SLC1A1: variants seen among roughly 807,000 people sequenced by gnomAD.
The protein encoded by SLC1A1 is excitatory amino acid transporter 3.
In SLC1A1, 43 loss-of-function variants were observed where a neutral mutation model predicts 53.3. The observed-to-expected ratio is 0.81, with a 90% CI of 0.63 to 1.04. SLC1A1 has a LOEUF of 1.04. SLC1A1 is among the 50% of genes least tolerant of loss of function. The pLI is 0.00. For synonymous variants in SLC1A1, 307 were observed against 243.2 expected, an observed-to-expected ratio of 1.26 and a Z score of -2.44; for missense variants, 748 against 664.9, an observed-to-expected ratio of 1.12 and a Z score of -1.37.
chr9:4,500,231 G>C (rs7860087), intron 1 of SLC1A1, among the ~76,000 whole-genome samples: 10,945 of 152,216 alleles, frequency 0.072, 984 homozygotes, highest in African/African-American at 0.21. Context: ...ACTCATTTTA[G>C]ATGACATTGA....
At chr9:4,497,970 AAG>A (rs1227098229) in intron 1 of SLC1A1, among the ~76,000 whole-genome samples, 11 of 152,320 alleles carry the variant, frequency 7.2e-5, no homozygotes, top group African/African-American at 2.4e-4. Flanking sequence ...TTTATTGAAA[AAG>A]AGTTGAAAAC....
intron 3 of SLC1A1, among the ~76,000 whole-genome samples, chr9:4,561,860 A>G (rs558791366): frequency 1.3e-5 from 2 of 152,296 alleles, no homozygotes; most frequent in East Asian, 1.9e-4. Context: ...CTTTGACAAT[A>G]CTACTTTCTG....
At chr9:4,511,596 C>CACACACACACACACACT (rs777710176) in intron 1 of SLC1A1, among the ~76,000 whole-genome samples, 1 of 151,128 alleles carries the variant, frequency 6.6e-6, no homozygotes, top group African/African-American at 2.4e-5. Flanking sequence ...CACACACACA[C>CACACACACACACACACT]ACACTACACT....
intron 10 of SLC1A1, among the ~76,000 whole-genome samples, chr9:4,580,599 A>ATGTGTGTGTGTG (rs770759737): frequency 3.3e-4 from 17 of 51,042 alleles, no homozygotes; most frequent in East Asian, 2.4e-3. Context: ...AAAAAAATAT[A>ATGTGTGTGTGTG]TATGTGTGTG....
At chr9:4,499,484 A>T (rs1207242033) in intron 1 of SLC1A1, among the ~76,000 whole-genome samples, 1 of 152,190 alleles carries the variant, frequency 6.6e-6, no homozygotes, top group Non-Finnish European at 1.5e-5. Context: ...TGGTGTTTTC[A>T]TTTTTGCAAC....
chr9:4,526,737 A>G (rs10120326), intron 1 of SLC1A1, among the ~76,000 whole-genome samples: 3,321 of 152,248 alleles, frequency 0.022, 132 homozygotes, highest in African/African-American at 0.076. Flanking sequence ...AAATAAAGTT[A>G]ATGCCAGTGT....
chr9:4,522,196 C>T (rs1402128374), intron 1 of SLC1A1, among the ~76,000 whole-genome samples: 4 of 151,868 alleles, frequency 2.6e-5, no homozygotes, highest in East Asian at 1.9e-4. Context: ...GGACTACAGG[C>T]GCCCACCACC....
rs565202615 is a variant in SLC1A1 at position 4,503,694 on chromosome 9, A to G, written c.91+12924A>G. Among the ~76,000 whole-genome samples the G allele has an allele frequency of 1.2e-4, 18 of 152,036 alleles. No homozygotes were observed. The South Asian group carries it at 1.7e-3, about 14-fold the overall frequency. On this transcript the variant is annotated intron_variant, in intron 1 of 11. Transcript: ENST00000262352. ...GTATTACATGGAACTATAATTTAAT[A>G]TATGTGTTGCTGTGCTTTCGCACTT...
chr9:4,550,994 T>C (rs1199110599), intron 2 of SLC1A1, among the ~76,000 whole-genome samples: 1 of 152,218 alleles, frequency 6.6e-6, no homozygotes, highest in African/African-American at 2.4e-5. Flanking sequence ...AGCTGACCCC[T>C]GCCCAGCTAG....
chr9:4,534,617 G>T (rs928453005), intron 1 of SLC1A1, among the ~76,000 whole-genome samples: 3 of 151,896 alleles, frequency 2.0e-5, no homozygotes, highest in African/African-American at 7.3e-5. Context: ...ATTCACAGCC[G>T]AATTCTACCA....
chr9:4,538,816 CT>C (rs952759821), intron 1 of SLC1A1, among the ~76,000 whole-genome samples: 4 of 152,162 alleles, frequency 2.6e-5, no homozygotes, highest in Admixed American at 1.3e-4. Context: ...TTATTACAGC[CT>C]AAGGGCAGGA....
At chr9:4,578,240 G>A (rs1481010992) in intron 10 of SLC1A1, among the ~76,000 whole-genome samples, 5 of 152,224 alleles carry the variant, frequency 3.3e-5, no homozygotes, top group South Asian at 2.1e-4. Context: ...TTGGAATCGC[G>A]GCTACATCAT....
At chr9:4,554,467 G>A (rs1186835229) in intron 2 of SLC1A1, 2 of 152,240 alleles carry the variant, frequency 1.3e-5, no homozygotes, top group Non-Finnish European at 2.9e-5. Context: ...GCCAAGCAAG[G>A]AAATCAGGAC....
intron 9 of SLC1A1, 121 bp downstream of exon 9, chr9:4,576,244 G>C: frequency 2.1e-6 from 2 of 954,714 alleles, no homozygotes; most frequent in Non-Finnish European, 3.4e-6. Context: ...AATGACCTCC[G>C]TATTCTCGGC....
intron 1 of SLC1A1, among the ~76,000 whole-genome samples, chr9:4,511,035 A>G (rs572391300): frequency 2.0e-4 from 31 of 152,376 alleles, no homozygotes; most frequent in African/African-American, 7.2e-4. Context: ...TACAACACTC[A>G]TAAGTTAAAT....
rs1444854410 is a variant in SLC1A1, at chr9:4,490,647, G to T, written c.-33G>T. 6.3e-7 allele frequency: 1 copy of T among 1,596,636 alleles called. No homozygotes were observed. The highest frequency in any genetic ancestry group is 8.6e-7 in the Non-Finnish European group (1 of 1,166,228). ...CGGGTCGCCCAGCCCACGCGCGCACGGCCGAGCCCAGCGCACAATAGCGGC... is the reference window on the plus strand; with the variant it reads ...CGGGTCGCCCAGCCCACGCGCGCACTGCCGAGCCCAGCGCACAATAGCGGC... On this transcript the variant is annotated 5_prime_UTR_variant, in exon 1 of 12. Transcript: ENST00000262352.
At chr9:4,580,088 A>T (rs1820913457) in intron 10 of SLC1A1, among the ~76,000 whole-genome samples, 3 of 152,034 alleles carry the variant, frequency 2.0e-5, no homozygotes, top group Non-Finnish European at 4.4e-5. Context: ...AAAATTAGCC[A>T]GGCATGGTGG....
intron 1 of SLC1A1, among the ~76,000 whole-genome samples, chr9:4,491,690 A>G (rs1012302004): frequency 7.2e-5 from 11 of 152,106 alleles, no homozygotes; most frequent in Admixed American, 5.2e-4. Context: ...GATTAGCGCC[A>G]TATCTGTCGC....
At chr9:4,496,981 A>G (rs1270629052) in intron 1 of SLC1A1, among the ~76,000 whole-genome samples, 2 of 152,234 alleles carry the variant, frequency 1.3e-5, no homozygotes, top group South Asian at 4.1e-4. Context: ...AGTAGAAGAC[A>G]GTGTGAAATG....
Sources: allele counts gnomAD v4.1 joint callset (sites outside exome capture counted in the v4.1 genomes callset), GRCh38; gene constraint gnomAD v4.1.1; transcripts MANE v1.5; gene names NCBI Gene and HGNC (gene_info 2026-07-23, HGNC 2026-07-21).